The following ARL17B variants were observed in gnomAD, a reference collection of about 807,000 sequenced individuals.
ARL17B encodes ADP-ribosylation factor-like protein 17.
At chr17:46,281,984 A>T (rs766153719) in intron 4 of ARL17B, among the ~76,000 whole-genome samples, 9,988 of 139,790 alleles carry the variant, frequency 0.071, no homozygotes, top group Non-Finnish European at 0.11. Context: ...TTGGTCTATA[A>T]CCTGCTGCCT....
At chr17:46,279,651 C>T (rs2049705275) in intron 4 of ARL17B, among the ~76,000 whole-genome samples, 1 of 152,000 alleles carries the variant, frequency 6.6e-6, no homozygotes, top group African/African-American at 2.4e-5. Flanking sequence ...GTGCACATCA[C>T]CATGCCTGGC....
chr17:46,279,500 C>CTTTTTTTTTTTTTTTTT (rs369361891), intron 4 of ARL17B, among the ~76,000 whole-genome samples: 2 of 122,460 alleles, frequency 1.6e-5, no homozygotes, highest in Admixed American at 8.5e-5. Context: ...TTCTTTCTTT[C>CTTTTTTTTTTTTTTTTT]TTTTTTTTTT....
At chr17:46,287,131 A>T (rs980627914) in intron 4 of ARL17B, among the ~76,000 whole-genome samples, 1 of 152,272 alleles carries the variant, frequency 6.6e-6, no homozygotes, top group Non-Finnish European at 1.5e-5. Context: ...AAACTCCAGT[A>T]TCTGATGCTC....
At chr17:46,305,035 A>ATT (rs1183070261) in intron 3 of ARL17B, among the ~76,000 whole-genome samples, 5 of 63,226 alleles carry the variant, frequency 7.9e-5, no homozygotes, top group Middle Eastern at 8.1e-3. Context: ...GGCCCGGCTA[A>ATT]TTTTTTTTTT....
chr17:46,291,121 TAGAG>T (rs1567857984), intron 4 of ARL17B, among the ~76,000 whole-genome samples: 1 of 152,258 alleles, frequency 6.6e-6, no homozygotes, highest in African/African-American at 2.4e-5. Flanking sequence ...TCTCTATTTA[TAGAG>T]AGAGACTGAA....
intron 3 of ARL17B, among the ~76,000 whole-genome samples, chr17:46,344,230 AGG>A (rs1481763762): frequency 6.9e-6 from 1 of 145,064 alleles, no homozygotes; most frequent in African/African-American, 2.7e-5. Context: ...ATAAATAAAT[AGG>A]AGTTTGAGGC....
intron 3 of ARL17B, among the ~76,000 whole-genome samples, chr17:46,308,216 C>T (rs997661401): frequency 2.9e-5 from 1 of 33,972 alleles, no homozygotes; most frequent in African/African-American, 6.7e-5. Context: ...CAAAGACACA[C>T]CAAGATGAGG....
rs1400885235 is a variant in ARL17B, at chr17:46,288,344, T to C, written c.*21+11182A>G. On this transcript the variant is annotated intron_variant, in intron 4 of 4. Transcript: ENST00000570618. ...TTTTTTTTTTGACGGAGCCTTGCTC[T>C]GTCTCCCAGGCTGGAGTACAGTGGC... Among the ~76,000 whole-genome samples, 3 of 147,556 alleles carry C rather than the reference T, an allele frequency of 2.0e-5. No individual in the cohort carries two copies. In the Admixed American group the frequency reaches 2.0e-4, roughly 10 times the overall value.
At chr17:46,282,705 A>C (rs2429437) in intron 4 of ARL17B, among the ~76,000 whole-genome samples, 18,456 of 152,150 alleles carry the variant, frequency 0.12, 1 homozygote, top group Non-Finnish European at 0.18. Flanking sequence ...TACAGGCATA[A>C]GTCACCTTGC....
chr17:46,288,540 C>T lies in ARL17B; in HGVS notation c.*21+10986G>A, dbSNP rs145950141. Among the ~76,000 whole-genome samples, 956 of 152,060 alleles carry T rather than the reference C, an allele frequency of 6.3e-3. 10 individuals carry two copies. Among genetic ancestry groups the T allele is most frequent in the African/African-American group, 0.022 (899 of 41,414 alleles). On this transcript the variant is annotated intron_variant, in intron 4 of 4. Transcript: ENST00000570618. ...CTCAAACTCCTGACTTCAGGCGATC[C>T]ACCTGCCTTGGCCTCCCAAAGTCCT...
intron 4 of ARL17B, among the ~76,000 whole-genome samples, chr17:46,284,708 T>C (rs2143395944): frequency 6.6e-6 from 1 of 152,324 alleles, no homozygotes; most frequent in South Asian, 2.1e-4. Flanking sequence ...GTTCAAAGTG[T>C]GGAATCATTA....
chr17:46,298,723 CA>C (rs1189992034), downstream of ARL17B, among the ~76,000 whole-genome samples: 1 of 40,438 alleles, frequency 2.5e-5, no homozygotes, highest in Admixed American at 4.0e-4. Context: ...GACTCCATCT[CA>C]AAAAAAAAAA....
At chr17:46,281,644 G>C (rs1379729997) in intron 4 of ARL17B, among the ~76,000 whole-genome samples, 1 of 152,124 alleles carries the variant, frequency 6.6e-6, no homozygotes, top group Non-Finnish European at 1.5e-5. Flanking sequence ...TGGTAAGGTT[G>C]GGAATTTTTT....
rs1003727169 is a variant in ARL17B at position 46,339,204 on chromosome 17, T to TA, written c.*295dup. ...TACCCCCTAACCTAAAAGGAAAGTTTAAAAAGGAAAAAACACCTAGGAGAA... is the reference window on the plus strand; with the variant it reads ...TACCCCCTAACCTAAAAGGAAAGTTTAAAAAAGGAAAAAACACCTAGGAGAA... On this transcript the variant is annotated 3_prime_UTR_variant, in exon 4 of 4. Transcript: ENST00000450673. 6.2e-4 allele frequency among the ~76,000 whole-genome samples: 53 copies of TA among 85,362 alleles called. 14 individuals are homozygous for TA. Among genetic ancestry groups the TA allele is most frequent in the African/African-American group, 1.7e-3 (53 of 31,812 alleles). The allele number at this position is 85,362 out of a possible 152,430, so 56.0% of individuals were successfully genotyped here.
intron 3 of ARL17B, among the ~76,000 whole-genome samples, chr17:46,312,715 C>CA (rs1402212365): frequency 5.6e-5 from 4 of 71,038 alleles, no homozygotes; most frequent in Non-Finnish European, 1.1e-4. Context: ...GTTTTCATGC[C>CA]AAAAAAAAAT....
At chr17:46,279,037 A>C (rs1425590524) in intron 4 of ARL17B, among the ~76,000 whole-genome samples, 7 of 152,154 alleles carry the variant, frequency 4.6e-5, no homozygotes, top group Non-Finnish European at 7.3e-5. Context: ...ATCTCAGGTG[A>C]TCCACATGCC....
chr17:46,319,222 T>G (rs2051270543), intron 3 of ARL17B, among the ~76,000 whole-genome samples: 1 of 61,932 alleles, frequency 1.6e-5, no homozygotes, highest in Non-Finnish European at 4.0e-5. Context: ...ATTTTTTTTT[T>G]TTTTTTTTTT....
At chr17:46,317,149 G>A (rs1181382353) in intron 3 of ARL17B, among the ~76,000 whole-genome samples, 7 of 89,182 alleles carry the variant, frequency 7.8e-5, no homozygotes, top group East Asian at 2.3e-4. Flanking sequence ...ATGGGGTGGC[G>A]GCCGGGCAGA....
rs574013571 is a variant in ARL17B at position 46,290,688 on chromosome 17, C to G, written c.*21+8838G>C. The stretch of plus-strand genomic sequence containing the variant: ...TCTCGAACTCCTGACCTCAAGTGAT[C>G]GTTTCACCTCAGCCTCCCAAAGTGC... On this transcript the variant is annotated intron_variant, in intron 4 of 4. Coordinates refer to the ARL17B transcript ENST00000570618. Among the ~76,000 whole-genome samples the G allele has an allele frequency of 6.5e-4, 99 of 152,332 alleles. 1 individual carries two copies. Among genetic ancestry groups the G allele is most frequent in the African/African-American group, 2.3e-3 (96 of 41,566 alleles).
Sources: gnomAD v4.1 joint callset for allele counts (sites outside exome capture counted in the v4.1 genomes callset) on GRCh38, gnomAD v4.1.1 for gene constraint, MANE v1.5 for transcripts, NCBI Gene and HGNC (gene_info 2026-07-23, HGNC 2026-07-21) for gene names.